Variants in SIVA1 observed in about 807,000 individuals in gnomAD.
The protein encoded by SIVA1 is SIVA1 apoptosis inducing factor.
Under a neutral mutation model 19.7 loss-of-function variants are expected in SIVA1, and 10 were observed. That is an observed-to-expected ratio of 0.51 (90% CI 0.31 to 0.86). The LOEUF is 0.86. Ranked by LOEUF, SIVA1 falls within the 40% of genes least tolerant of loss-of-function variation. The pLI is 0.04. For missense variants in SIVA1, 241 were observed against 245.2 expected (o/e 0.98, Z 0.11); for synonymous variants, 130 against 106.1 (o/e 1.23, Z -1.39).
intron 1 of SIVA1, among the ~76,000 whole-genome samples, chr14:104,754,538 G>C (rs1210719979): frequency 2.0e-5 from 3 of 152,208 alleles, no homozygotes; most frequent in South Asian, 2.1e-4. Flanking sequence ...TTCTTCCCGA[G>C]TGTCCTGACC....
At position 104,756,650 on chromosome 14, in the gene SIVA1, C is replaced by G. The variant is rs1254898446; in HGVS notation, c.360C>G (p.Ala120=). 2 of 1,614,044 alleles carry G rather than the reference C, an allele frequency of 1.2e-6. No individual in the cohort carries two copies. Among genetic ancestry groups the G allele is most frequent in the Non-Finnish European group, 1.7e-6 (2 of 1,180,024 alleles). ...ASIACSSCVR[A]VDGKAVCGQC... is the part of the protein sequence containing the mutation. The stretch of plus-strand genomic sequence containing the variant: ...TTGCCTGTTCCTCATGCGTGCGAGC[C>G]GTGGATGGGAAGGCGGTCTGCGGTC... Residue 120 remains alanine, a synonymous_variant, in exon 3 of 4, where the codon GCC becomes GCG. Transcript: ENST00000329967.
At chr14:104,754,442 C>T (rs1054861805) in intron 1 of SIVA1, among the ~76,000 whole-genome samples, 4 of 152,152 alleles carry the variant, frequency 2.6e-5, no homozygotes, top group African/African-American at 9.7e-5. Flanking sequence ...CAATCGTGTG[C>T]CCTCTCAGGA....
chr14:104,756,310 G>A (rs1415258058), intron 2 of SIVA1: 6 of 515,388 alleles, frequency 1.2e-5, no homozygotes, highest in Non-Finnish European at 2.1e-5. Context: ...AAGCAACAGG[G>A]GAAGAATGGT....
intron 1 of SIVA1, 37 bp downstream of exon 1, chr14:104,753,356 C>T (rs1891770243): frequency 1.4e-6 from 2 of 1,434,828 alleles, no homozygotes; most frequent in Admixed American, 1.8e-5. Flanking sequence ...TCCGCTGCGT[C>T]GGGGCCTGGA....
In SIVA1 at chr14:104,755,484, G is replaced by C. The variant is rs927090083; in HGVS notation, c.119-146G>C. The C allele has an allele frequency of 9.0e-5, 66 of 729,900 alleles. No individual in the cohort carries two copies. In the African/African-American group the frequency reaches 9.4e-4, roughly 10 times the overall value. 45.2% of individuals were successfully genotyped at this position (729,900 alleles called of 1,614,324 possible). On this transcript the variant is annotated intron_variant, in intron 1 of 3. Transcript: ENST00000329967. ...AGGCAGAGCAGGACCCAGCTCGCCA[G>C]GGCACAACACAGGCTGGGGTTACTG...
intron 3 of SIVA1, chr14:104,758,771 C>T (rs774218390): frequency 6.6e-6 from 1 of 152,322 alleles, no homozygotes; most frequent in Non-Finnish European, 1.5e-5. Flanking sequence ...GTAAGCCACA[C>T]CATACGCGTG....
intron 3 of SIVA1, chr14:104,757,313 G>T: frequency 2.3e-6 from 1 of 438,358 alleles, no homozygotes; most frequent in Non-Finnish European, 4.6e-6. Context: ...ACAGTGTGGA[G>T]CCTGTTTGCC....
chr14:104,757,011 A>C (rs1428973300), intron 3 of SIVA1: 3 of 553,048 alleles, frequency 5.4e-6, no homozygotes, highest in Middle Eastern at 9.6e-4. Context: ...CCCTGTCTTC[A>C]GCCACTTCCT....
At chr14:104,754,659 T>G (rs1001233178) in intron 1 of SIVA1, among the ~76,000 whole-genome samples, 1 of 152,124 alleles carries the variant, frequency 6.6e-6, no homozygotes, top group African/African-American at 2.4e-5. Flanking sequence ...GTGTGACAGT[T>G]TCCAAATTCC....
rs1479201673 is a variant in SIVA1 at position 104,753,207 on chromosome 14, C to G, written c.6C>G (p.Pro2=). 2 of 1,571,750 alleles carry G rather than the reference C, an allele frequency of 1.3e-6. No individual in the cohort carries two copies. The highest frequency in any genetic ancestry group is 2.4e-5 in the East Asian group (1 of 42,108). M[P]KRSCPFADVA... is the part of the protein sequence containing the mutation. ...TAGCTCCCGGCCCCGCGGCCATGCC[C>G]AAGCGGAGCTGCCCCTTCGCGGACG... Residue 2 remains proline (P), a synonymous_variant, in exon 1 of 4, where the codon CCC becomes CCG. Transcript: ENST00000329967.
intron 1 of SIVA1, among the ~76,000 whole-genome samples, chr14:104,754,637 C>T (rs753854086): frequency 3.9e-5 from 6 of 152,166 alleles, no homozygotes; most frequent in Non-Finnish European, 8.8e-5. Context: ...TGCAGGACAC[C>T]TACTTTGAAC....
rs1891904796 is a variant in SIVA1 at position 104,756,742 on chromosome 14, C to T, written c.452C>T (p.Thr151Ile). ...TGGGGCTGCGGCTCCGTGGCCTGTACCCTGTGTGGCCTCGTGGAGTAAGTA... is the reference window on the plus strand; with the variant it reads ...TGGGGCTGCGGCTCCGTGGCCTGTATCCTGTGTGGCCTCGTGGAGTAAGTA... Reference protein sequence around the residue: ...TCWGCGSVACTLCGLVDCSDM... With the variant: ...TCWGCGSVACILCGLVDCSDM... The change falls in exon 3 of 4, where the codon ACC becomes ATC. Residue 151 changes from threonine (T) to isoleucine (I), a missense_variant. Transcript: ENST00000329967. 1.9e-6 allele frequency: 3 copies of T among 1,612,430 alleles called. No individual in the cohort carries two copies. The highest frequency in any genetic ancestry group is 2.7e-5 in the African/African-American group (2 of 74,920).
chr14:104,757,942 GCCACTGT>G (rs1378393547), intron 3 of SIVA1: 1 of 152,256 alleles, frequency 6.6e-6, no homozygotes, highest in African/African-American at 2.4e-5. Context: ...AGCTGAGTGG[GCCACTGT>G]CCCCACTGTG....
At chr14:104,756,222 G>A in intron 2 of SIVA1, 1 of 438,562 alleles carries the variant, frequency 2.3e-6, no homozygotes, top group East Asian at 4.9e-5. Context: ...GTGTCTAGGA[G>A]GAGCCCAGGC....
Position 104,755,636 on chromosome 14 carries a change from C to A in SIVA1, c.125C>A (p.Thr42Asn). The A allele has an allele frequency of 1.2e-6, 2 of 1,611,904 alleles. No individual in the cohort carries two copies. Among genetic ancestry groups the A allele is most frequent in the Non-Finnish European group, 1.7e-6 (2 of 1,179,556 alleles). Residue 42 changes from threonine (T) to asparagine (N), a missense_variant, in exon 2 of 4, where the codon ACC becomes AAC. Transcript: ENST00000329967. ...ATGATTTATCTTCCCCCAGAGAAGA[C>A]CAAGCGACTCCTGTTCCTCGGGGCC... ...ERYSQEVFEK[T>N]KRLLFLGAQA... is the part of the protein sequence containing the mutation.
chr14:104,757,549 G>T, intron 3 of SIVA1: 1 of 164,930 alleles, frequency 6.1e-6, no homozygotes, highest in South Asian at 1.3e-4. Flanking sequence ...GAGAAGCGCC[G>T]CGTGCCAGTG....
At position 104,755,743 on chromosome 14, in the gene SIVA1, G is replaced by T. The variant is rs770685688; in HGVS notation, c.232G>T (p.Ala78Ser). 6 of 1,614,016 alleles carry T rather than the reference G, an allele frequency of 3.7e-6. No homozygotes were observed. The highest frequency in any genetic ancestry group is 4.2e-6 in the Non-Finnish European group (5 of 1,180,036). ...PESPKPGPTGAPRAARGQMLI... is the reference protein window; with the variant it reads ...PESPKPGPTGSPRAARGQMLI... The stretch of plus-strand genomic sequence containing the variant: ...GTCCCCAAAGCCTGGCCCTACAGGG[G>T]CCCCGAGGGCTGCACGTGGGCAGAT... Residue 78 changes from alanine (A) to serine (S), a missense_variant, in exon 2 of 4, where the codon GCC becomes TCC. Ala to Ser is a moderately conservative substitution (Grantham distance 99). Transcript: ENST00000329967.
At chr14:104,753,384 G>A in intron 1 of SIVA1, 65 bp downstream of exon 1, 3 of 1,154,336 alleles carry the variant, frequency 2.6e-6, no homozygotes, top group African/African-American at 1.6e-5. Context: ...GGGCCTCAGC[G>A]TCCCCTCTGA....
In SIVA1 at chr14:104,755,754, T is replaced by C; in HGVS notation, c.243T>C (p.Ala81=). The C allele has an allele frequency of 6.2e-7, 1 of 1,614,134 alleles. No individual in the cohort carries two copies. The highest frequency in any genetic ancestry group is 8.5e-7 in the Non-Finnish European group (1 of 1,180,020). The change falls in exon 2 of 4, where the codon GCT becomes GCC. Residue 81 remains alanine, a synonymous_variant. Coordinates refer to ENST00000329967, the MANE Select transcript of SIVA1 (RefSeq NM_006427.4). The stretch of plus-strand genomic sequence containing the variant: ...CTGGCCCTACAGGGGCCCCGAGGGC[T>C]GCACGTGGGCAGATGCTGATTGGAC... ...PKPGPTGAPR[A]ARGQMLIGPD...
Sources: allele counts gnomAD v4.1 joint callset (sites outside exome capture counted in the v4.1 genomes callset), GRCh38; gene constraint gnomAD v4.1.1; transcripts MANE v1.5; gene names NCBI Gene and HGNC (gene_info 2026-07-23, HGNC 2026-07-21).